The following DOCK4 variants were observed in gnomAD, a reference collection of about 807,000 sequenced individuals.
DOCK4 encodes dedicator of cytokinesis protein 4.
A neutral mutation model predicts 268.1 loss-of-function variants in DOCK4; 97 were observed. That is an observed-to-expected ratio of 0.36 (90% CI 0.31 to 0.43). DOCK4 has a LOEUF of 0.43. DOCK4 is among the 20% of genes least tolerant of loss of function. DOCK4 has a pLI of 1.00. For synonymous variants in DOCK4, 954 were observed against 887.2 expected, an observed-to-expected ratio of 1.08 and a Z score of -1.34; for missense variants, 2,145 against 2,455.7, an observed-to-expected ratio of 0.87 and a Z score of 2.67.
chr7:111,799,163 A>G (rs911313604), intron 30 of DOCK4, among the ~76,000 whole-genome samples: 2 of 152,236 alleles, frequency 1.3e-5, no homozygotes, highest in African/African-American at 2.4e-5. Context: ...TCTCAAGGGC[A>G]TACTTTCCAG....
intron 1 of DOCK4, among the ~76,000 whole-genome samples, chr7:112,178,772 T>C (rs549055386): frequency 5.9e-5 from 9 of 152,328 alleles, no homozygotes; most frequent in Admixed American, 3.3e-4. Context: ...TAAGCCTCAT[T>C]CATCATATTT....
Position 111,863,479 on chromosome 7 carries a change from T to C in DOCK4, c.2366A>G (p.Asp789Gly), listed in dbSNP as rs1805720939. The C allele has an allele frequency of 6.2e-7, 1 of 1,613,826 alleles. No individual in the cohort carries two copies. Among genetic ancestry groups the C allele is most frequent in the Admixed American group, 1.7e-5 (1 of 59,978 alleles). Residue 789 changes from aspartate (D) to glycine (G), a missense_variant, in exon 23 of 53, where the codon GAC becomes GGC. Transcript: ENST00000428084. ...DVREVANLVQ[D>G]TLGSLPTILH... ...GATGGTCGGCAGACTGCCCAGGGTG[T>C]CCTGGACCAAGTTGGCTACTTCCCG...
chr7:111,735,568 T>C (rs996417888), intron 50 of DOCK4, among the ~76,000 whole-genome samples: 21 of 152,226 alleles, frequency 1.4e-4, no homozygotes, highest in African/African-American at 4.8e-4. Flanking sequence ...GACATACTAA[T>C]ATTTTAACTA....
chr7:112,126,771 A>C (rs565177205), intron 1 of DOCK4, among the ~76,000 whole-genome samples: 2 of 152,386 alleles, frequency 1.3e-5, no homozygotes, highest in South Asian at 4.1e-4. Flanking sequence ...CACTTCTCAA[A>C]GGAAGACATT....
At chr7:112,117,640 G>T (rs930243647) in intron 1 of DOCK4, among the ~76,000 whole-genome samples, 3 of 152,192 alleles carry the variant, frequency 2.0e-5, no homozygotes, top group African/African-American at 7.2e-5. Flanking sequence ...CAAAGTGCTG[G>T]GACTACAGGC....
chr7:112,087,859 C>T (rs927749244), intron 1 of DOCK4, among the ~76,000 whole-genome samples: 7 of 152,040 alleles, frequency 4.6e-5, no homozygotes, highest in Non-Finnish European at 8.8e-5. Flanking sequence ...TGAAATACAG[C>T]CCTGTTTAGA....
At chr7:111,909,253 T>G (rs567168294) in intron 13 of DOCK4, among the ~76,000 whole-genome samples, 2 of 152,368 alleles carry the variant, frequency 1.3e-5, no homozygotes, top group Non-Finnish European at 2.9e-5. Flanking sequence ...TTTGCATTTC[T>G]CTAATGACCA....
At chr7:111,908,638 C>T (rs1203004583) in intron 13 of DOCK4, among the ~76,000 whole-genome samples, 2 of 151,874 alleles carry the variant, frequency 1.3e-5, no homozygotes, top group Admixed American at 6.6e-5. Flanking sequence ...CCTATCAACC[C>T]GTCATCTAGG....
In DOCK4 at chr7:111,977,267, C is replaced by T. The variant is rs767873833; in HGVS notation, c.566G>A (p.Arg189Gln). The part of the protein sequence containing the change: ...ELYRLMEHRH[R>Q]KKDTPVQASS... ...GGCCTGCACCGGGGTGTCTTTCTTC[C>T]GATGTCGATGTTCCATCTGAATGAC... Residue 189 changes from arginine to glutamine, a missense_variant, in exon 8 of 53, where the codon CGG becomes CAG. Arg to Gln is a conservative substitution (Grantham distance 43, BLOSUM62 1). Transcript: ENST00000428084. The T allele has an allele frequency of 1.9e-5, 31 of 1,599,062 alleles. No individual in the cohort carries two copies. Among genetic ancestry groups the T allele is most frequent in the South Asian group, 1.0e-4 (9 of 88,268 alleles).
intron 25 of DOCK4, among the ~76,000 whole-genome samples, chr7:111,838,260 T>A (rs1208771081): frequency 1.3e-5 from 2 of 152,034 alleles, no homozygotes; most frequent in Admixed American, 1.3e-4. Context: ...AAAACAACTT[T>A]GAAAAAGAAA....
chr7:112,138,879 G>C (rs1304160211), intron 1 of DOCK4, among the ~76,000 whole-genome samples: 1 of 152,136 alleles, frequency 6.6e-6, no homozygotes, highest in East Asian at 1.9e-4. Context: ...ACAGTGAGAA[G>C]GTGGCTGTCT....
chr7:112,133,825 A>G (rs1352175793), intron 1 of DOCK4, among the ~76,000 whole-genome samples: 1 of 152,228 alleles, frequency 6.6e-6, no homozygotes, highest in Non-Finnish European at 1.5e-5. Context: ...AGTGCTGTAT[A>G]CAGGTAGGTG....
chr7:112,008,864 G>A (rs930086234), intron 1 of DOCK4, among the ~76,000 whole-genome samples: 1 of 152,060 alleles, frequency 6.6e-6, no homozygotes, highest in Non-Finnish European at 1.5e-5. Context: ...CGTGGTGGCG[G>A]GTGCCTGTAA....
At chr7:112,183,177 T>A (rs1322625564) in intron 1 of DOCK4, among the ~76,000 whole-genome samples, 1 of 152,104 alleles carries the variant, frequency 6.6e-6, no homozygotes, top group African/African-American at 2.4e-5. Flanking sequence ...TCTTCCAAAT[T>A]TACCAACCAA....
chr7:111,743,009 G>A (rs1585847939), intron 44 of DOCK4, among the ~76,000 whole-genome samples: 6 of 151,332 alleles, frequency 4.0e-5, no homozygotes, highest in Admixed American at 3.3e-4. Context: ...AAAAAAAAAA[G>A]AAAAAAGAAA....
chr7:111,782,851 A>G lies in DOCK4; in HGVS notation c.3585+13T>C. 1 of 1,613,208 alleles carries G rather than the reference A, an allele frequency of 6.2e-7. No homozygotes were observed. The highest frequency in any genetic ancestry group is 1.7e-4 in the Middle Eastern group (1 of 6,060). ...TTAGGAGAAAAGGAGAAAAAGGGGA[A>G]TAGTTTACTAACCAGAAGGCTAACT... On this transcript the variant is annotated intron_variant, in intron 35 of 52. Transcript: ENST00000428084.
At chr7:111,798,217 C>T (rs889741152) in intron 30 of DOCK4, among the ~76,000 whole-genome samples, 1 of 152,234 alleles carries the variant, frequency 6.6e-6, no homozygotes, top group Non-Finnish European at 1.5e-5. Flanking sequence ...GAACTGCCCC[C>T]AGAGGTGGAG....
At chr7:112,130,041 G>T (rs545697761) in intron 1 of DOCK4, among the ~76,000 whole-genome samples, 1 of 152,282 alleles carries the variant, frequency 6.6e-6, no homozygotes, top group South Asian at 2.1e-4. Flanking sequence ...TAGACACGGA[G>T]CCACTTTTAA....
rs375791144 is a variant in DOCK4 at position 111,983,860 on chromosome 7, G to GCACACACACACACACACACACACA, written c.549+445_549+446insTGTGTGTGTGTGTGTGTGTGTGTG. Among the ~76,000 whole-genome samples the GCACACACACACACACACACACACA allele has an allele frequency of 4.8e-3, 619 of 128,836 alleles. 5 individuals are homozygous for GCACACACACACACACACACACACA. The highest frequency in any genetic ancestry group is 7.0e-3 in the Non-Finnish European group (429 of 61,402). The allele number at this position is 128,836 out of a possible 152,430, so 84.5% of individuals were successfully genotyped here. On this transcript the variant is annotated intron_variant, in intron 7 of 52. Coordinates refer to ENST00000428084, the MANE Select transcript of DOCK4 (RefSeq NM_001363540.2). ...TACACACACACGCGCGCGCGCGCGC[G>GCACACACACACACACACACACACA]CGCACACACACACACACACACACAC...
Sources: gnomAD v4.1 joint callset for allele counts (sites outside exome capture counted in the v4.1 genomes callset) on GRCh38, gnomAD v4.1.1 for gene constraint, MANE v1.5 for transcripts, NCBI Gene and HGNC (gene_info 2026-07-23, HGNC 2026-07-21) for gene names.